Variants in TBC1D8B observed in about 807,000 individuals in gnomAD.
TBC1D8B encodes the protein TBC1 domain family member 8B, also known as RP11-321G1.1.
A neutral mutation model predicts 82.9 loss-of-function variants in TBC1D8B; 75 were observed. The ratio of observed to expected loss-of-function variants is 0.90; its 90% CI spans 0.75 to 1.10. TBC1D8B has a LOEUF of 1.10. Ranked by LOEUF, TBC1D8B falls within the 50% of genes least tolerant of loss-of-function variation. TBC1D8B has a pLI of 0.00. For missense variants in TBC1D8B, 794 were observed against 796.9 expected, an observed-to-expected ratio of 1.00 and a Z score of 0.04; for synonymous variants, 276 against 276.8, an observed-to-expected ratio of 1.00 and a Z score of 0.03.
At position 106,858,748 on chromosome X, in the gene TBC1D8B, A is replaced by G. The variant is rs778734255; in HGVS notation, c.2352+4452A>G. Reference sequence around the variant, plus strand: ...TTTGTCAAATTTTATTTTTGTTGCAATTGCTTTTGGCATTTTTGTTGTGAA... The same window carrying G: ...TTTGTCAAATTTTATTTTTGTTGCAGTTGCTTTTGGCATTTTTGTTGTGAA... On this transcript the variant is annotated intron_variant, in intron 14 of 20. Transcript: ENST00000357242. Among the ~76,000 whole-genome samples, 4 of 111,366 alleles carry G rather than the reference A, an allele frequency of 3.6e-5. No homozygotes were observed. In the South Asian group the frequency reaches 1.5e-3, roughly 42 times the overall value.
chrX:106,838,011 G>A (rs980589524), intron 7 of TBC1D8B, among the ~76,000 whole-genome samples: 3 of 111,339 alleles, frequency 2.7e-5, no homozygotes, highest in Non-Finnish European at 5.7e-5. Flanking sequence ...AATGTTTTGG[G>A]TTTTAATAGG....
At chrX:106,829,653 A>G (rs1221689998) in intron 7 of TBC1D8B, 51 of 105,635 alleles carry the variant, frequency 4.8e-4, no homozygotes, top group Non-Finnish European at 7.9e-4. Context: ...ACCTACAACT[A>G]TCTGATCTTT....
chrX:106,841,807 T>C (rs1932314064), intron 10 of TBC1D8B, among the ~76,000 whole-genome samples: 1 of 111,740 alleles, frequency 8.9e-6, no homozygotes, highest in South Asian at 3.8e-4. Context: ...CGAGTACATT[T>C]TCATCACCAT....
intron 1 of TBC1D8B, among the ~76,000 whole-genome samples, chrX:106,806,660 T>C (rs1469353321): frequency 9.0e-6 from 1 of 111,443 alleles, no homozygotes; most frequent in Non-Finnish European, 1.9e-5. Context: ...ATCTGAATAG[T>C]GTAAGCAGGT....
chrX:106,843,257 G>A (rs1042678864), intron 10 of TBC1D8B, among the ~76,000 whole-genome samples: 15 of 111,234 alleles, frequency 1.3e-4, no homozygotes, highest in East Asian at 2.8e-4. Flanking sequence ...ACATTTTGGC[G>A]CACTGTCAAA....
chrX:106,824,810 A>C (rs776008672), intron 5 of TBC1D8B, among the ~76,000 whole-genome samples: 7 of 111,458 alleles, frequency 6.3e-5, no homozygotes, highest in Non-Finnish European at 9.4e-5. Flanking sequence ...ACAGTAATTT[A>C]TTGGGACTTA....
intron 1 of TBC1D8B, among the ~76,000 whole-genome samples, chrX:106,808,153 C>T (rs928354770): frequency 9.0e-6 from 1 of 111,500 alleles, no homozygotes; most frequent in Non-Finnish European, 1.9e-5. Context: ...ATTCCACTTG[C>T]CCCATTAACC....
intron 2 of TBC1D8B, among the ~76,000 whole-genome samples, chrX:106,819,842 C>T (rs1931648978): frequency 9.0e-6 from 1 of 110,673 alleles, no homozygotes; most frequent in African/African-American, 3.3e-5. Flanking sequence ...GATTGTATAA[C>T]TTATTTCCCC....
chrX:106,809,243 C>A (rs1386116849), intron 1 of TBC1D8B, among the ~76,000 whole-genome samples: 1 of 111,142 alleles, frequency 9.0e-6, no homozygotes, highest in African/African-American at 3.3e-5. Context: ...TGAAAAAAAA[C>A]AAAGTCCCTA....
At chrX:106,829,883 G>T (rs998805865) in intron 7 of TBC1D8B, 3 of 110,505 alleles carry the variant, frequency 2.7e-5, no homozygotes, top group African/African-American at 6.7e-5. Flanking sequence ...CATAGGCATG[G>T]GCAAGGACTT....
At chrX:106,851,321 C>T (rs895249529) in intron 12 of TBC1D8B, among the ~76,000 whole-genome samples, 4 of 112,057 alleles carry the variant, frequency 3.6e-5, no homozygotes, top group African/African-American at 6.5e-5. Context: ...AATCAGGAGG[C>T]GGAGGTTGTA....
chrX:106,826,027 C>A lies in TBC1D8B; in HGVS notation c.828-3C>A, dbSNP rs376899717. The A allele has an allele frequency of 7.5e-6, 9 of 1,205,429 alleles. No individual in the cohort carries two copies. In the Admixed American group the frequency reaches 8.9e-5, roughly 12 times the overall value. The stretch of plus-strand genomic sequence containing the variant: ...GCCTTATCCCATTTTTTCTTTCCTA[C>A]AGAGGTCTGGAAAATAGAGCCCACA... On this transcript the variant is annotated splice_region_variant and splice_polypyrimidine_tract_variant and intron_variant, in intron 5 of 20. Coordinates refer to ENST00000357242, the MANE Select transcript of TBC1D8B (RefSeq NM_017752.3).
At position 106,840,789 on chromosome X, in the gene TBC1D8B, G is replaced by A. The variant is rs1168245599; in HGVS notation, c.1624G>A (p.Glu542Lys). Residue 542 changes from glutamate (E) to lysine (K), a missense_variant, in exon 10 of 21, where the codon GAG (glutamate) becomes AAG (lysine). By Grantham distance (56) the Glu-to-Lys change is moderately conservative. Transcript: ENST00000357242. The part of the protein sequence containing the change: ...IERDLRRSLP[E>K]HPAFQSDTGI... ...ACGTGATTTACGTCGCTCTCTGCCT[G>A]AGCACCCAGCCTTTCAGAGTGATAC... The A allele has an allele frequency of 8.3e-7, 1 of 1,211,259 alleles. No homozygotes were observed. Among genetic ancestry groups the A allele is most frequent in the Non-Finnish European group, 1.1e-6 (1 of 895,267 alleles).
At chrX:106,845,070 A>G (rs1423711117) in intron 10 of TBC1D8B, among the ~76,000 whole-genome samples, 1 of 109,796 alleles carries the variant, frequency 9.1e-6, no homozygotes, top group Non-Finnish European at 1.9e-5. Flanking sequence ...ATAGTTCTCT[A>G]TTTCCTGGCT....
intron 10 of TBC1D8B, among the ~76,000 whole-genome samples, chrX:106,843,109 T>G (rs961318094): frequency 9.8e-5 from 11 of 111,784 alleles, no homozygotes; most frequent in African/African-American, 3.6e-4. Flanking sequence ...TTATTTGAGA[T>G]GTTTTCTTGT....
chrX:106,872,594 A>C (rs780405473), intron 20 of TBC1D8B, among the ~76,000 whole-genome samples: 26 of 107,605 alleles, frequency 2.4e-4, no homozygotes, highest in Non-Finnish European at 3.6e-4. Flanking sequence ...AGCCTAATTT[A>C]TGCATAATTT....
In TBC1D8B at chrX:106,803,366, C is replaced by T. The variant is rs186273224; in HGVS notation, c.130+383C>T. ...TGAACTTAACTTTTTTCACAGAACCCATACCGATCATCAGCACCCTGGGGA... is the reference window on the plus strand; with the variant it reads ...TGAACTTAACTTTTTTCACAGAACCTATACCGATCATCAGCACCCTGGGGA... On this transcript the variant is annotated intron_variant, in intron 1 of 20. Transcript: ENST00000357242. 1.0e-3 allele frequency among the ~76,000 whole-genome samples: 115 copies of T among 111,317 alleles called. No homozygotes were observed. The East Asian group carries it at 0.024, about 23-fold the overall frequency.
intron 19 of TBC1D8B, among the ~76,000 whole-genome samples, 200 bp downstream of exon 19, chrX:106,869,741 A>G (rs1240867955): frequency 3.6e-5 from 4 of 112,222 alleles, no homozygotes; most frequent in Non-Finnish European, 1.9e-5. Context: ...AAAGTAATAG[A>G]TAATTCTTAG....
At chrX:106,849,024 A>T (rs1348518034) in intron 11 of TBC1D8B, among the ~76,000 whole-genome samples, 1 of 104,958 alleles carries the variant, frequency 9.5e-6, no homozygotes, top group Non-Finnish European at 1.9e-5. Flanking sequence ...TGATCCACCC[A>T]CCTCGGCCTC....
Sources: gnomAD v4.1 joint callset for allele counts (sites outside exome capture counted in the v4.1 genomes callset) on GRCh38, gnomAD v4.1.1 for gene constraint, MANE v1.5 for transcripts, NCBI Gene and HGNC (gene_info 2026-07-23, HGNC 2026-07-21) for gene names.